MYO15B: variants seen among roughly 807,000 people sequenced by gnomAD.
MYO15B encodes the protein myosin XVB pseudogene.
MYO15B carries 207 observed loss-of-function variants against 119.3 expected under a neutral mutation model. That is an observed-to-expected ratio of 1.73 (90% confidence interval 1.55 to 1.95). The LOEUF is 1.95. MYO15B is among the 30% of genes most tolerant of loss of function. MYO15B has a pLI of 0.00. For missense variants in MYO15B, 2,264 were observed against 1,203.1 expected (o/e 1.88, Z -13.04); for synonymous variants, 966 against 498.9 (o/e 1.94, Z -12.48).
chr17:75,612,132 C>G (rs566521490), intron 25 of MYO15B, 116 bp downstream of exon 25: 2 of 639,442 alleles, frequency 3.1e-6, no homozygotes, highest in East Asian at 5.5e-5. Context: ...TCCTCCCCAG[C>G]CTTTGGGGCT....
chr17:75,618,978 C>T (rs994584892), intron 43 of MYO15B, 165 bp from the exon 44 acceptor site: 6 of 609,738 alleles, frequency 9.8e-6, no homozygotes, highest in Non-Finnish European at 1.7e-5. Context: ...CCCAAGCCCT[C>T]CATCCCTCCC....
At chr17:75,617,886 C>T (rs992692121) in exon 42 of MYO15B, 21 of 702,836 alleles carry the variant, frequency 3.0e-5, no homozygotes, top group Non-Finnish European at 4.2e-5. Flanking sequence ...GCTTCTCCTA[C>T]ACCGGCACGC....
chr17:75,594,354 CAT>C (rs2056707446), intron 9 of MYO15B, 119 bp from the exon 10 acceptor site: 1 of 549,954 alleles, frequency 1.8e-6, no homozygotes, highest in Non-Finnish European at 3.2e-6. Flanking sequence ...CAGATCTCCT[CAT>C]GTGACATATC....
intron 63 of MYO15B, 56 bp from the exon 64 acceptor site, chr17:75,626,351 G>A (rs1211630045): frequency 5.4e-5 from 38 of 702,232 alleles, no homozygotes; most frequent in Non-Finnish European, 2.1e-5. Context: ...GTGGGCCGGG[G>A]CAGAGGCGAG....
exon 37 of MYO15B, chr17:75,616,080 G>A (rs1439615501): frequency 1.7e-6 from 1 of 579,706 alleles, no homozygotes; most frequent in Non-Finnish European, 3.1e-6. Flanking sequence ...AGACCTCCGA[G>A]GAGGCTGAAG....
intron 22 of MYO15B, 91 bp from the exon 23 acceptor site, chr17:75,610,809 C>T: frequency 1.4e-6 from 1 of 697,924 alleles, no homozygotes; most frequent in Admixed American, 2.0e-5. Context: ...CTCCCAGGGG[C>T]AGGAGGGGAC....
chr17:75,600,227 C>T (rs1454849103), intron 14 of MYO15B, among the ~76,000 whole-genome samples: 3 of 151,828 alleles, frequency 2.0e-5, no homozygotes, highest in Non-Finnish European at 4.4e-5. Flanking sequence ...CGGGGTTTCA[C>T]CATGTTAGCC....
At position 75,619,802 on chromosome 17, in the gene MYO15B, G is replaced by A; in HGVS notation, c.7301+3G>A. On this transcript the variant is annotated splice_donor_region_variant and intron_variant, in intron 46 of 63. Transcript: ENST00000645453. ...CTGAAGATTCTCTGCTCATACAGGT[G>A]CGCTAGCCCACGACCCTGGGCTAGA... 1.4e-6 allele frequency: 1 copy of A among 702,850 alleles called. No homozygotes were observed. The highest frequency in any genetic ancestry group is 2.6e-6 in the Non-Finnish European group (1 of 384,918). 43.5% of individuals were successfully genotyped at this position (702,850 alleles called of 1,614,324 possible).
At chr17:75,610,822 C>T (rs2147961927) in intron 22 of MYO15B, 78 bp from the exon 23 acceptor site, 1 of 700,824 alleles carries the variant, frequency 1.4e-6, no homozygotes, top group East Asian at 2.7e-5. Context: ...GAGGGGACAG[C>T]TGAACTTCAG....
At chr17:75,617,965 G>T (rs1281082930) in intron 42 of MYO15B, 43 bp downstream of exon 42, 2 of 697,498 alleles carry the variant, frequency 2.9e-6, no homozygotes, top group Non-Finnish European at 5.2e-6. Flanking sequence ...CTTTGGGCTG[G>T]CAGGGAGGCG....
In MYO15B at chr17:75,624,075, G is replaced by A. The variant is rs755435207; in HGVS notation, c.8272+11G>A. 5.7e-6 allele frequency: 4 copies of A among 702,968 alleles called. No homozygotes were observed. The highest frequency in any genetic ancestry group is 2.7e-5 in the East Asian group (1 of 37,310). 43.5% of individuals were successfully genotyped at this position (702,968 alleles called of 1,614,324 possible). A position where few individuals can be genotyped will look rare whatever the true frequency, so the allele number is the denominator to read the frequency against. ...CAGGCCCCAGCCAAGGTGCCCGTGG[G>A]AAGGGGAGATGGAGGAGAGGCAGGG... On this transcript the variant is annotated intron_variant, in intron 55 of 63. Coordinates refer to ENST00000645453, the Ensembl canonical transcript of MYO15B.
chr17:75,609,937 C>T (rs543002798), intron 21 of MYO15B, among the ~76,000 whole-genome samples: 109 of 152,034 alleles, frequency 7.2e-4, no homozygotes, highest in African/African-American at 1.6e-3. Context: ...GTGATCCACC[C>T]GCCTTGGCCT....
At chr17:75,595,040 C>T (rs2147762324) in intron 12 of MYO15B, 68 bp downstream of exon 12, 1 of 684,000 alleles carries the variant, frequency 1.5e-6, no homozygotes, top group Non-Finnish European at 2.7e-6. Flanking sequence ...CTGGGACCCC[C>T]ACAGCTCCAG....
At chr17:75,625,392 C>T in intron 60 of MYO15B, 135 bp from the exon 61 acceptor site, 1 of 650,042 alleles carries the variant, frequency 1.5e-6, no homozygotes, top group Admixed American at 2.2e-5. Context: ...TCCTCTGGTG[C>T]AGGACCCTCA....
At position 75,589,515 on chromosome 17, in the gene MYO15B, G is replaced by C. The variant is rs1404288957; in HGVS notation, c.1458G>C (p.Gly486=). Residue 486 remains glycine, a synonymous_variant, in exon 1 of 64, where the codon GGG becomes GGC. Coordinates refer to ENST00000645453, the Ensembl canonical transcript of MYO15B. This position sits in a 1 kb window ranked among gnomAD's most constrained non-coding sequence, Gnocchi z 4.2. ...GGGACCACCAGAGAGGGTACGAGGG[G>C]TGGGGCCGTGAGCCCGGGCTGCGGC... 2.5e-6 allele frequency: 1 copy of C among 398,476 alleles called. No individual in the cohort carries two copies. The highest frequency in any genetic ancestry group is 3.6e-5 in the East Asian group (1 of 28,046). 24.7% of individuals were successfully genotyped at this position (398,476 alleles called of 1,614,324 possible). A position where few individuals can be genotyped will look rare whatever the true frequency, so the allele number is the denominator to read the frequency against.
Position 75,589,031 on chromosome 17 carries a change from G to A in MYO15B, c.974G>A (p.Gly325Glu), listed in dbSNP as rs2056237718. The A allele has an allele frequency of 2.5e-6, 1 of 397,162 alleles. No homozygotes were observed. The highest frequency in any genetic ancestry group is 2.1e-5 in the African/African-American group (1 of 48,554). 24.6% of individuals were successfully genotyped at this position (397,162 alleles called of 1,614,324 possible). A position where few individuals can be genotyped will look rare whatever the true frequency, so the allele number is the denominator to read the frequency against. The change falls in exon 1 of 64, where the codon GGA becomes GAA. Residue 325 changes from glycine to glutamate, a missense_variant. Gly to Glu is a moderately conservative substitution (Grantham distance 98). Transcript: ENST00000645453. This position sits in a 1 kb window ranked among gnomAD's most constrained non-coding sequence, Gnocchi z 4.2. Reference sequence around the variant, plus strand: ...GAGGGCGAAGCGGGAGCCGCAGCAGGAGCGGGGCCGGAGGACCCAGCCCCG... The same window carrying A: ...GAGGGCGAAGCGGGAGCCGCAGCAGAAGCGGGGCCGGAGGACCCAGCCCCG...
At chr17:75,614,129 G>T in intron 29 of MYO15B, 70 bp from the exon 30 acceptor site, 2 of 673,064 alleles carry the variant, frequency 3.0e-6, no homozygotes, top group Non-Finnish European at 5.5e-6. Context: ...CTGCCCCCTT[G>T]GCCCACCCTG....
chr17:75,593,277 G>A (rs820249), intron 9 of MYO15B, among the ~76,000 whole-genome samples: 90,516 of 149,196 alleles, frequency 0.61, 29,000 homozygotes, highest in East Asian at 0.77. Flanking sequence ...GCCGAGGTGG[G>A]TGGATCACTT....
exon 1 of MYO15B, chr17:75,588,657 A>G: frequency 2.5e-6 from 1 of 400,810 alleles, no homozygotes; most frequent in Non-Finnish European, 4.4e-6. Flanking sequence ...GGCCGGAGTC[A>G]GCGCTGGAGC....
Sources: allele counts gnomAD v4.1 joint callset (sites outside exome capture counted in the v4.1 genomes callset), GRCh38; gene constraint gnomAD v4.1.1; non-coding constraint Gnocchi (gnomAD v3.1); transcripts MANE v1.5; gene names NCBI Gene and HGNC (gene_info 2026-07-23, HGNC 2026-07-21).